Variants in RCC1L observed in about 807,000 individuals in gnomAD.
RCC1L encodes the protein RCC1 like.
RCC1L carries 46 observed loss-of-function variants against 58.6 expected under a neutral mutation model. The ratio of observed to expected loss-of-function variants is 0.79; its 90% CI spans 0.62 to 1.00. The LOEUF (loss-of-function observed/expected upper bound fraction) is 1.00. Ranked by LOEUF, RCC1L falls within the 50% of genes least tolerant of loss-of-function variation. The pLI, the probability that RCC1L is intolerant of heterozygous loss-of-function variation, is 0.00. For synonymous variants in RCC1L, 281 were observed against 262.9 expected (o/e 1.07, Z -0.67); for missense variants, 636 against 623.6 (o/e 1.02, Z -0.21).
intron 10 of RCC1L, among the ~76,000 whole-genome samples, chr7:75,034,319 C>T (rs1805387392): frequency 6.6e-6 from 1 of 152,060 alleles, no homozygotes; most frequent in Non-Finnish European, 1.5e-5. Flanking sequence ...GGTTCAAGAC[C>T]AGTCTGGGCA....
At chr7:75,040,795 T>A (rs1381053594), downstream of RCC1L, among the ~76,000 whole-genome samples, 1 of 152,152 alleles carries the variant, frequency 6.6e-6, no homozygotes, top group Non-Finnish European at 1.5e-5. Flanking sequence ...AAAATTTGAC[T>A]GTAATAAACC....
At chr7:75,056,321 C>T (rs1806080448) in intron 8 of RCC1L, among the ~76,000 whole-genome samples, 1 of 152,098 alleles carries the variant, frequency 6.6e-6, no homozygotes, top group Non-Finnish European at 1.5e-5. Flanking sequence ...GCTCAGAACA[C>T]AAACTTCCCA....
At chr7:75,038,671 T>C (rs1252670996), downstream of RCC1L, among the ~76,000 whole-genome samples, 1 of 152,054 alleles carries the variant, frequency 6.6e-6, no homozygotes, top group Non-Finnish European at 1.5e-5. Context: ...GCCTGTGAGC[T>C]GGGGCTAACT....
intron 9 of RCC1L, among the ~76,000 whole-genome samples, chr7:75,053,377 C>T (rs2131989159): frequency 6.6e-6 from 1 of 152,264 alleles, no homozygotes; most frequent in South Asian, 2.1e-4. Context: ...CAAACTCTGC[C>T]TTCCACAAAT....
In RCC1L at chr7:75,057,522, GT is replaced by G. The variant is rs1806119066; in HGVS notation, c.1057+6del. Reference sequence around the variant, plus strand: ...TTCCCAATGAGCCACCGGAAAGAAGGTCTCACCGTTTAACACTGCACAGCCC... The same window carrying G: ...TTCCCAATGAGCCACCGGAAAGAAGGCTCACCGTTTAACACTGCACAGCCC... On this transcript the variant is annotated splice_donor_region_variant and intron_variant, in intron 8 of 10. Transcript: ENST00000610322. 1 of 1,613,756 alleles carries G rather than the reference GT, an allele frequency of 6.2e-7. No homozygotes were observed. Among genetic ancestry groups the G allele is most frequent in the East Asian group, 2.2e-5 (1 of 44,874 alleles).
intron 2 of RCC1L, among the ~76,000 whole-genome samples, 196 bp from the exon 3 acceptor site, chr7:75,066,988 T>C (rs1038004890): frequency 3.9e-5 from 6 of 152,114 alleles, no homozygotes; most frequent in African/African-American, 1.4e-4. Flanking sequence ...TATTACATAA[T>C]GCGGGTTCCA....
chr7:75,058,770 C>G lies in RCC1L; in HGVS notation c.788-1G>C. The G allele has an allele frequency of 6.2e-7, 1 of 1,613,968 alleles. No homozygotes were observed. Among genetic ancestry groups the G allele is most frequent in the Non-Finnish European group, 8.5e-7 (1 of 1,179,850 alleles). On this transcript the variant is annotated splice_acceptor_variant, in intron 6 of 10. Coordinates refer to ENST00000610322, the MANE Select transcript of RCC1L (RefSeq NM_030798.5). LOFTEE classifies it high-confidence loss of function. ...CTGGTGATATTGTAGTGACCCAGAC[C>G]TAACACAGTGGAAAATACAGATTTT... is the stretch of plus-strand genomic sequence containing the variant.
intron 3 of RCC1L, among the ~76,000 whole-genome samples, chr7:75,065,263 T>C (rs1393766876): frequency 6.7e-6 from 1 of 149,978 alleles, no homozygotes; most frequent in Admixed American, 6.7e-5. Flanking sequence ...AGCCAGAAAA[T>C]GAAATTTGAG....
chr7:75,067,182 T>A (rs941067335), intron 2 of RCC1L, among the ~76,000 whole-genome samples: 3 of 151,664 alleles, frequency 2.0e-5, no homozygotes, highest in Non-Finnish European at 4.4e-5. Flanking sequence ...GCGCCTCTAA[T>A]CCCAGCTACT....
intron 2 of RCC1L, among the ~76,000 whole-genome samples, chr7:75,067,740 G>C (rs587623001): frequency 6.6e-6 from 1 of 152,156 alleles, no homozygotes; most frequent in South Asian, 2.1e-4. Context: ...AGCTACTTTG[G>C]AGGCTGAGAT....
chr7:75,060,526 G>A (rs1464201897), intron 6 of RCC1L, among the ~76,000 whole-genome samples: 2 of 152,182 alleles, frequency 1.3e-5, no homozygotes, highest in Admixed American at 6.5e-5. Context: ...CGCCTCCCGG[G>A]TTCAAGCCAT....
chr7:75,033,330 C>T (rs903193428), intron 10 of RCC1L, among the ~76,000 whole-genome samples: 7 of 151,906 alleles, frequency 4.6e-5, no homozygotes, highest in African/African-American at 9.7e-5. Context: ...CAGGGAGGGA[C>T]GGGAGAGTTA....
chr7:75,041,285 GCTTT>G (rs1368073092), downstream of RCC1L, among the ~76,000 whole-genome samples: 1 of 151,932 alleles, frequency 6.6e-6, no homozygotes, highest in African/African-American at 2.4e-5. Flanking sequence ...CTCTCCTCCT[GCTTT>G]CTCTCAACGG....
intron 10 of RCC1L, among the ~76,000 whole-genome samples, chr7:75,045,916 C>T (rs1377912499): frequency 2.0e-5 from 3 of 152,218 alleles, no homozygotes; most frequent in African/African-American, 4.8e-5. Flanking sequence ...TGACCAGATC[C>T]GAATTCGACC....
At chr7:75,068,043 G>A (rs1806568247) in intron 2 of RCC1L, among the ~76,000 whole-genome samples, 1 of 152,004 alleles carries the variant, frequency 6.6e-6, no homozygotes, top group African/African-American at 2.4e-5. Flanking sequence ...ACGCGGGCCG[G>A]GCACGGTGGG....
intron 10 of RCC1L, among the ~76,000 whole-genome samples, chr7:75,030,821 G>A (rs936490103): frequency 5.2e-4 from 79 of 152,300 alleles, no homozygotes; most frequent in South Asian, 8.3e-4. Context: ...GGGGCTGCCC[G>A]TGCTGACTCT....
intron 10 of RCC1L, among the ~76,000 whole-genome samples, chr7:75,028,746 C>T (rs1270900420): frequency 1.3e-5 from 2 of 152,172 alleles, no homozygotes; most frequent in Non-Finnish European, 2.9e-5. Flanking sequence ...CCTCCATGGG[C>T]ATCTCCAGGA....
chr7:75,031,637 C>A (rs1017413017), intron 10 of RCC1L, among the ~76,000 whole-genome samples: 1 of 152,088 alleles, frequency 6.6e-6, no homozygotes, highest in African/African-American at 2.4e-5. Flanking sequence ...GGGCTAGAGG[C>A]GGGTAGAAAA....
intron 10 of RCC1L, among the ~76,000 whole-genome samples, chr7:75,052,347 C>G (rs949841234): frequency 6.6e-6 from 1 of 152,194 alleles, no homozygotes; most frequent in Non-Finnish European, 1.5e-5. Context: ...TCTGTTTCCC[C>G]GATCCACCCC....
Sources: allele counts gnomAD v4.1 joint callset (sites outside exome capture counted in the v4.1 genomes callset), GRCh38; gene constraint gnomAD v4.1.1; transcripts MANE v1.5; gene names NCBI Gene and HGNC (gene_info 2026-07-23, HGNC 2026-07-21).